The following EPB41L3 variants were observed in gnomAD, a reference collection of about 807,000 sequenced individuals.
The protein encoded by EPB41L3 is band 4.1-like protein 3.
EPB41L3 carries 57 observed loss-of-function variants against 127.1 expected under a neutral mutation model. The observed-to-expected ratio is 0.45, with a 90% CI of 0.36 to 0.56. The LOEUF is 0.56. EPB41L3 is among the 20% of genes least tolerant of loss of function. The pLI is 0.00. For missense variants in EPB41L3, 1,273 were observed against 1,372.2 expected, an observed-to-expected ratio of 0.93 and a Z score of 1.14; for synonymous variants, 572 against 549.5, an observed-to-expected ratio of 1.04 and a Z score of -0.57.
intron 1 of EPB41L3, among the ~76,000 whole-genome samples, chr18:5,536,105 G>A (rs1177860238): frequency 6.6e-5 from 10 of 151,986 alleles, no homozygotes; most frequent in African/African-American, 2.2e-4. Context: ...GGATGAGCTC[G>A]CCCCTCTATA....
intron 3 of EPB41L3, among the ~76,000 whole-genome samples, chr18:5,557,615 C>T (rs1233889572): frequency 6.6e-6 from 1 of 151,136 alleles, no homozygotes; most frequent in Non-Finnish European, 1.5e-5. Context: ...TGAACTCTGA[C>T]CTCAAATGAT....
intron 2 of EPB41L3, among the ~76,000 whole-genome samples, chr18:5,486,102 T>C (rs552950057): frequency 2.0e-5 from 3 of 152,168 alleles, no homozygotes. Context: ...ACTACAAAGC[T>C]ATAATAATCA....
intron 3 of EPB41L3, among the ~76,000 whole-genome samples, chr18:5,552,555 T>C (rs965046639): frequency 1.3e-5 from 2 of 152,202 alleles, no homozygotes; most frequent in South Asian, 4.1e-4. Flanking sequence ...GACTATAACC[T>C]GACGTTTTAT....
Position 5,394,744 on chromosome 18 carries a change from G to C in EPB41L3, c.3203C>G (p.Ser1068Ter). 6.2e-7 allele frequency: 1 copy of C among 1,614,164 alleles called. No homozygotes were observed. Among genetic ancestry groups the C allele is most frequent in the Non-Finnish European group, 8.5e-7 (1 of 1,180,036 alleles). Residue 1068 changes from serine (S) to a stop codon, truncating the protein, a stop_gained, in exon 22 of 23, where the codon TCA (serine) becomes TGA (stop). Transcript: ENST00000341928. LOFTEE classifies it high-confidence loss of function. ...TTTATGGACCACTACTTTGGTCACT[G>C]ACATGTCAGGGTGCTGCTCTTTGGC... ...KEAKEQHPDM[S>*]VTKVVVHKET...
chr18:5,593,350 G>A (rs926754009), intron 3 of EPB41L3, among the ~76,000 whole-genome samples: 2 of 152,076 alleles, frequency 1.3e-5, no homozygotes, highest in African/African-American at 2.4e-5. Flanking sequence ...AAAGCTGGGC[G>A]TCCGAGGGAG....
At chr18:5,403,875 A>G (rs1199181056) in intron 16 of EPB41L3, among the ~76,000 whole-genome samples, 1 of 152,236 alleles carries the variant, frequency 6.6e-6, no homozygotes, top group Non-Finnish European at 1.5e-5. Flanking sequence ...GTTTGGTTAT[A>G]TATTTATAAA....
At chr18:5,533,151 G>C (rs2093464429) in intron 1 of EPB41L3, among the ~76,000 whole-genome samples, 2 of 152,012 alleles carry the variant, frequency 1.3e-5, no homozygotes, top group African/African-American at 2.4e-5. Flanking sequence ...TTCAATGAGG[G>C]GGAAAAAAGC....
intron 3 of EPB41L3, among the ~76,000 whole-genome samples, chr18:5,603,260 A>C (rs1016366490): frequency 1.6e-4 from 25 of 152,306 alleles, no homozygotes; most frequent in Admixed American, 1.0e-3. Flanking sequence ...AGTGAGAGGA[A>C]AATGAACAAA....
At chr18:5,470,609 G>C (rs933211341) in intron 3 of EPB41L3, among the ~76,000 whole-genome samples, 1 of 152,236 alleles carries the variant, frequency 6.6e-6, no homozygotes, top group African/African-American at 2.4e-5. Context: ...CTTAAGGTTA[G>C]ATGTGAGATT....
chr18:5,609,891 T>G (rs1215477246), intron 3 of EPB41L3, among the ~76,000 whole-genome samples: 1 of 151,954 alleles, frequency 6.6e-6, no homozygotes, highest in African/African-American at 2.4e-5. Context: ...ACAGCTAAAG[T>G]CTAAATAGCA....
At chr18:5,471,351 A>G (rs1017983703) in intron 3 of EPB41L3, among the ~76,000 whole-genome samples, 2 of 152,200 alleles carry the variant, frequency 1.3e-5, no homozygotes, top group African/African-American at 4.8e-5. Flanking sequence ...AGCCACACGC[A>G]GAGTAAGGAA....
At chr18:5,575,203 T>G (rs2094325514) in intron 3 of EPB41L3, among the ~76,000 whole-genome samples, 1 of 152,202 alleles carries the variant, frequency 6.6e-6, no homozygotes, top group African/African-American at 2.4e-5. Context: ...TCGCAATCTT[T>G]CTTGGTCTTA....
chr18:5,440,265 G>A (rs953101807), intron 5 of EPB41L3, among the ~76,000 whole-genome samples: 1 of 152,178 alleles, frequency 6.6e-6, no homozygotes, highest in South Asian at 2.1e-4. Flanking sequence ...CTTCCCTAAG[G>A]TTATAACACA....
chr18:5,539,910 C>T (rs1288841586), intron 1 of EPB41L3, among the ~76,000 whole-genome samples: 3 of 152,144 alleles, frequency 2.0e-5, no homozygotes, highest in South Asian at 2.1e-4. Flanking sequence ...CTGCAGATAT[C>T]TTCTACTTAT....
upstream of EPB41L3, among the ~76,000 whole-genome samples, chr18:5,546,843 TC>T (rs1234875964): frequency 6.6e-6 from 1 of 152,198 alleles, no homozygotes; most frequent in Non-Finnish European, 1.5e-5. Context: ...CCTCTCTTAG[TC>T]CTCTCTGTCT....
intron 6 of EPB41L3, among the ~76,000 whole-genome samples, chr18:5,436,848 A>G (rs1450751715): frequency 6.6e-6 from 1 of 152,222 alleles, no homozygotes; most frequent in Non-Finnish European, 1.5e-5. Context: ...ATTGCAATAT[A>G]AAAAATCCTC....
intron 1 of EPB41L3, among the ~76,000 whole-genome samples, chr18:5,515,632 CA>C (rs2092719141): frequency 1.3e-5 from 2 of 152,096 alleles, no homozygotes; most frequent in Admixed American, 1.3e-4. Context: ...AAAGAACAGG[CA>C]AAAATCTCCC....
chr18:5,630,267 C>T, upstream of EPB41L3: 1 of 451,844 alleles, frequency 2.2e-6, no homozygotes, highest in Non-Finnish European at 4.3e-6. Flanking sequence ...TCGCTTTCTC[C>T]CCCATCGACC....
chr18:5,410,631 A>AGAAGTGATCAGGTTCCAG lies in EPB41L3; in HGVS notation c.2068-30_2068-13dup. The AGAAGTGATCAGGTTCCAG allele has an allele frequency of 1.9e-6, 3 of 1,611,218 alleles. No homozygotes were observed. The South Asian group carries it at 3.3e-5, about 18-fold the overall frequency. ...CGCTCACTGTCAGTCTGTTGACCAC[A>AGAAGTGATCAGGTTCCAG]GAAGTGATCAGGTTCCAGGAGGAAG... On this transcript the variant is annotated splice_polypyrimidine_tract_variant and intron_variant, in intron 13 of 22. Coordinates refer to ENST00000341928, the MANE Select transcript of EPB41L3 (RefSeq NM_012307.5).
Sources: allele counts gnomAD v4.1 joint callset (sites outside exome capture counted in the v4.1 genomes callset), GRCh38; gene constraint gnomAD v4.1.1; transcripts MANE v1.5; gene names NCBI Gene and HGNC (gene_info 2026-07-23, HGNC 2026-07-21).